Variants in ETS2 observed in about 807,000 individuals in gnomAD.
ETS2 encodes the protein ETS proto-oncogene 2, transcription factor, also known as protein C-ets-2.
Under a neutral mutation model 54.9 loss-of-function variants are expected in ETS2, and 19 were observed. The observed-to-expected ratio is 0.35, with a 90% CI of 0.24 to 0.51. The LOEUF (loss-of-function observed/expected upper bound fraction) is 0.51. Ranked by LOEUF, ETS2 falls within the 20% of genes least tolerant of loss-of-function variation. The pLI, the probability that ETS2 is intolerant of heterozygous loss-of-function variation, is 0.97. For synonymous variants in ETS2, 219 were observed against 229.3 expected (o/e 0.95, Z 0.41); for missense variants, 417 against 593.0 (o/e 0.70, Z 3.08).
chr21:38,810,454 T>C (rs1181262956), intron 2 of ETS2, among the ~76,000 whole-genome samples: 1 of 152,136 alleles, frequency 6.6e-6, no homozygotes, highest in Non-Finnish European at 1.5e-5. Flanking sequence ...CCTTGGTTGA[T>C]GGGAAGCTGT....
Position 38,805,990 on chromosome 21 carries a change from C to T in ETS2, c.-131C>T, listed in dbSNP as rs1247724788. On this transcript the variant is annotated 5_prime_UTR_variant, in exon 1 of 10. Coordinates refer to ENST00000360938, the MANE Select transcript of ETS2 (RefSeq NM_005239.6). This position sits in a 1 kb window ranked among gnomAD's most constrained non-coding sequence, Gnocchi z 5.2. ...CTCCAGCTCAGAGCTCCCGGAGCCGCCCGGCCAGCGTCCGGCCTCCCTGAT... is the reference window on the plus strand; with the variant it reads ...CTCCAGCTCAGAGCTCCCGGAGCCGTCCGGCCAGCGTCCGGCCTCCCTGAT... 1 of 1,264,232 alleles carries T rather than the reference C, an allele frequency of 7.9e-7. No individual in the cohort carries two copies. The highest frequency in any genetic ancestry group is 1.3e-5 in the South Asian group (1 of 79,110). 78.3% of individuals were successfully genotyped at this position (1,264,232 alleles called of 1,614,324 possible). A position where few individuals can be genotyped will look rare whatever the true frequency, so the allele number is the denominator to read the frequency against.
At chr21:38,819,191 G>A (rs558901568) in intron 7 of ETS2, among the ~76,000 whole-genome samples, 1 of 152,274 alleles carries the variant, frequency 6.6e-6, no homozygotes, top group Non-Finnish European at 1.5e-5. Flanking sequence ...TTTCTTTTGT[G>A]TTTGTCTTTT....
At chr21:38,818,277 G>T in intron 6 of ETS2, 148 bp from the exon 7 acceptor site, 1 of 998,188 alleles carries the variant, frequency 1.0e-6, no homozygotes, top group Admixed American at 2.3e-5. Flanking sequence ...AAGGCCTGGT[G>T]ACAGACCCCC....
At chr21:38,815,175 A>AGTGT (rs3065531) in intron 5 of ETS2, among the ~76,000 whole-genome samples, 194 bp downstream of exon 5, 1,988 of 149,890 alleles carry the variant, frequency 0.013, 30 homozygotes, top group African/African-American at 0.035. Flanking sequence ...ACTTTATGTG[A>AGTGT]GTGTGTGTGT....
intron 1 of ETS2, among the ~76,000 whole-genome samples, chr21:38,808,282 C>T (rs1181515156): frequency 6.6e-6 from 1 of 152,138 alleles, no homozygotes; most frequent in Non-Finnish European, 1.5e-5. Flanking sequence ...GGATGGTCCC[C>T]CAGCACGGGG....
At chr21:38,812,071 G>A (rs796236634) in intron 2 of ETS2, among the ~76,000 whole-genome samples, 10 of 152,312 alleles carry the variant, frequency 6.6e-5, no homozygotes, top group South Asian at 4.1e-4. Context: ...AAAATGAAAC[G>A]TTAAGGAATT....
In ETS2 at chr21:38,806,237, G is replaced by T; in HGVS notation, c.-1+117G>T. ...GACACGCAGATCTCGGGGCGCTGCC[G>T]GGGGTGCAGGTGGGGGTGGCGGCTG... is the stretch of plus-strand genomic sequence containing the variant. On this transcript the variant is annotated intron_variant, in intron 1 of 9. Coordinates refer to ENST00000360938, the MANE Select transcript of ETS2 (RefSeq NM_005239.6). The surrounding 1 kb of genome is among the most constrained non-coding windows in gnomAD (Gnocchi z 4.3). The T allele has an allele frequency of 1.0e-6, 1 of 982,536 alleles. No individual in the cohort carries two copies. The highest frequency in any genetic ancestry group is 1.2e-6 in the Non-Finnish European group (1 of 825,924). The allele number at this position is 982,536 out of a possible 1,614,324, so 60.9% of individuals were successfully genotyped here.
At chr21:38,818,796 C>A in intron 7 of ETS2, 150 bp downstream of exon 7, 1 of 908,380 alleles carries the variant, frequency 1.1e-6, no homozygotes, top group Non-Finnish European at 1.7e-6. Flanking sequence ...AACAAGCATA[C>A]CCCTAATATG....
upstream of ETS2, chr21:38,805,682 C>A: frequency 2.6e-6 from 3 of 1,174,022 alleles, no homozygotes; most frequent in South Asian, 4.6e-5. This position sits in a 1 kb window ranked among gnomAD's most constrained non-coding sequence, Gnocchi z 5.2. Context: ...TCTTCTCTCC[C>A]CTCGTGCGTT....
upstream of ETS2, chr21:38,805,425 C>T (rs1418278457): frequency 7.8e-7 from 1 of 1,288,680 alleles, no homozygotes; most frequent in African/African-American, 1.5e-5. The surrounding 1 kb of genome is among the most constrained non-coding windows in gnomAD (Gnocchi z 5.2). Flanking sequence ...TGCTCCGTCG[C>T]TGCGGAATTC....
chr21:38,819,651 G>T lies in ETS2; in HGVS notation c.960G>T (p.Gln320His), dbSNP rs1407862810. ...AGAGCTTCGAAGATGACTGCAGCCA[G>T]TCTCTCTGCCTCAATAAGCCAACCA... ...SFESFEDDCS[Q>H]SLCLNKPTMS... The change falls in exon 8 of 10, where the codon CAG becomes CAT. Residue 320 changes from glutamine to histidine, a missense_variant. By Grantham distance (24) the Gln-to-His change is conservative. Transcript: ENST00000360938. 1 of 1,614,202 alleles carries T rather than the reference G, an allele frequency of 6.2e-7. No individual in the cohort carries two copies. Among genetic ancestry groups the T allele is most frequent in the East Asian group, 2.2e-5 (1 of 44,878 alleles).
intron 3 of ETS2, among the ~76,000 whole-genome samples, chr21:38,813,634 A>G (rs2060921919): frequency 6.6e-6 from 1 of 152,212 alleles, no homozygotes; most frequent in Non-Finnish European, 1.5e-5. Context: ...TGTTCATACA[A>G]TTACTGTGAC....
At chr21:38,817,606 G>A (rs1233216235) in intron 6 of ETS2, among the ~76,000 whole-genome samples, 10 of 152,182 alleles carry the variant, frequency 6.6e-5, no homozygotes, top group South Asian at 2.1e-4. Flanking sequence ...AACAAGAGGC[G>A]GCAGGCACAG....
intron 8 of ETS2, among the ~76,000 whole-genome samples, chr21:38,820,002 C>T (rs936846059): frequency 2.6e-5 from 4 of 152,194 alleles, no homozygotes; most frequent in Non-Finnish European, 2.9e-5. Context: ...ACAGGCCACT[C>T]CCTCCACCTG....
chr21:38,816,262 A>G (rs1211582257), intron 5 of ETS2, among the ~76,000 whole-genome samples: 1 of 152,050 alleles, frequency 6.6e-6, no homozygotes, highest in Non-Finnish European at 1.5e-5. Context: ...GAAAACACCT[A>G]GGATTCAACA....
At chr21:38,807,277 C>CT (rs950627079) in intron 1 of ETS2, among the ~76,000 whole-genome samples, 34 of 152,032 alleles carry the variant, frequency 2.2e-4, no homozygotes, top group Middle Eastern at 3.4e-3. Context: ...TGTGTTGTTT[C>CT]TTTTTTTTGT....
rs1601434182 is a variant in ETS2 at position 38,822,929 on chromosome 21, A to G, written c.*40A>G. ...CCCTGAGCCGGCCCCAGGCTCGTGG[A>G]CTGAGTGGGAAGCCCATCCTGACCA... is the stretch of plus-strand genomic sequence containing the variant. On this transcript the variant is annotated 3_prime_UTR_variant, in exon 10 of 10. Transcript: ENST00000360938. 17 of 1,458,512 alleles carry G rather than the reference A, an allele frequency of 1.2e-5. No individual in the cohort carries two copies. Among genetic ancestry groups the G allele is most frequent in the Non-Finnish European group, 1.6e-5 (17 of 1,089,564 alleles). The allele number at this position is 1,458,512 out of a possible 1,614,324, so 90.3% of individuals were successfully genotyped here. A position where few individuals can be genotyped will look rare whatever the true frequency, so the allele number is the denominator to read the frequency against.
In ETS2 at chr21:38,818,516, C is replaced by G; in HGVS notation, c.681C>G (p.Pro227=). The part of the protein sequence containing the change: ...LLDSMCPAST[P]SVLSSEQEFQ... ...ACAGCATGTGTCCGGCCTCCACACC[C>G]AGCGTACTCAGCTCTGAGCAGGAGT... The change falls in exon 7 of 10, where the codon CCC becomes CCG. Residue 227 remains proline (P), a synonymous_variant. Transcript: ENST00000360938. 1 of 1,614,206 alleles carries G rather than the reference C, an allele frequency of 6.2e-7. No homozygotes were observed. The highest frequency in any genetic ancestry group is 8.5e-7 in the Non-Finnish European group (1 of 1,180,040).
chr21:38,820,031 T>G (rs2060951633), intron 8 of ETS2, among the ~76,000 whole-genome samples: 1 of 152,206 alleles, frequency 6.6e-6, no homozygotes, highest in South Asian at 2.1e-4. Flanking sequence ...TGAGGAATAG[T>G]TGGAGCAGGG....
Sources: gnomAD v4.1 joint callset for allele counts (sites outside exome capture counted in the v4.1 genomes callset) on GRCh38, gnomAD v4.1.1 for gene constraint, Gnocchi (gnomAD v3.1) non-coding constraint, MANE v1.5 for transcripts, NCBI Gene and HGNC (gene_info 2026-07-23, HGNC 2026-07-21) for gene names.